Variants in PTPRD observed in about 807,000 individuals in gnomAD.
The protein encoded by PTPRD is protein tyrosine phosphatase receptor type D.
PTPRD carries 34 observed loss-of-function variants against 214.5 expected under a neutral mutation model. The observed-to-expected ratio is 0.16, with a 90% CI of 0.12 to 0.21. The LOEUF is 0.21. Among genes scored for constraint, PTPRD ranks in the 10% least tolerant of loss-of-function variants. The pLI is 1.00. For synonymous variants in PTPRD, 1,128 were observed against 845.7 expected (o/e 1.33, Z -5.79); for missense variants, 2,545 against 2,398.7 (o/e 1.06, Z -1.27).
chr9:9,724,047 C>T (rs892868761), intron 7 of PTPRD, among the ~76,000 whole-genome samples: 3 of 151,942 alleles, frequency 2.0e-5, no homozygotes, highest in Admixed American at 1.3e-4. Flanking sequence ...TAGAAGTGGC[C>T]ACCACTTATC....
At chr9:8,382,392 T>G (rs1000707852) in intron 37 of PTPRD, among the ~76,000 whole-genome samples, 5 of 152,194 alleles carry the variant, frequency 3.3e-5, no homozygotes, top group African/African-American at 1.2e-4. Context: ...AGAGAGGCTT[T>G]GTACAAAGTC....
chr9:9,152,809 G>C (rs1305898639), intron 10 of PTPRD, among the ~76,000 whole-genome samples: 2 of 152,184 alleles, frequency 1.3e-5, no homozygotes, highest in Admixed American at 1.3e-4. Context: ...CACTTCAGTT[G>C]ATGAGGGCAT....
intron 30 of PTPRD, among the ~76,000 whole-genome samples, chr9:8,482,633 G>A (rs2096911348): frequency 6.6e-6 from 1 of 152,152 alleles, no homozygotes; most frequent in African/African-American, 2.4e-5. Context: ...ATTTTATTAT[G>A]TATTATTGAA....
intron 2 of PTPRD, among the ~76,000 whole-genome samples, chr9:10,429,591 T>A (rs1032678080): frequency 7.9e-5 from 12 of 151,756 alleles, no homozygotes; most frequent in African/African-American, 2.9e-4. Context: ...AGAAAAAATA[T>A]CGCATGTTCT....
At chr9:10,226,931 A>C (rs1040070655) in intron 3 of PTPRD, among the ~76,000 whole-genome samples, 3 of 152,064 alleles carry the variant, frequency 2.0e-5, no homozygotes, top group Non-Finnish European at 4.4e-5. Context: ...TAAATATAGA[A>C]TTAGAACAAG....
intron 11 of PTPRD, among the ~76,000 whole-genome samples, chr9:8,973,952 A>T (rs1340563788): frequency 6.6e-6 from 1 of 151,930 alleles, no homozygotes; most frequent in Non-Finnish European, 1.5e-5. Context: ...TATAGATTCT[A>T]GACATTAGAC....
chr9:9,976,940 G>A (rs576841214), intron 4 of PTPRD, among the ~76,000 whole-genome samples: 4 of 152,220 alleles, frequency 2.6e-5, no homozygotes, highest in South Asian at 2.1e-4. Flanking sequence ...TAACTTTGCT[G>A]TTGAATTAGG....
chr9:10,073,163 G>C (rs550977790), intron 3 of PTPRD, among the ~76,000 whole-genome samples: 32 of 151,992 alleles, frequency 2.1e-4, no homozygotes, highest in Non-Finnish European at 7.4e-5. Flanking sequence ...AGCCCACAAG[G>C]TTTTAGGGCA....
At chr9:9,775,019 A>G (rs1271013872) in intron 5 of PTPRD, among the ~76,000 whole-genome samples, 1 of 152,140 alleles carries the variant, frequency 6.6e-6, no homozygotes, top group Non-Finnish European at 1.5e-5. Context: ...TAGTACCTGA[A>G]AAGGAGACAA....
intron 11 of PTPRD, among the ~76,000 whole-genome samples, chr9:8,973,168 T>C (rs1474381001): frequency 2.0e-5 from 3 of 151,924 alleles, no homozygotes; most frequent in Non-Finnish European, 4.4e-5. Flanking sequence ...GGACCCAGGG[T>C]GTGAGCATAA....
intron 8 of PTPRD, among the ~76,000 whole-genome samples, chr9:9,454,654 A>G (rs1212947005): frequency 6.6e-6 from 1 of 151,628 alleles, no homozygotes; most frequent in African/African-American, 2.4e-5. Context: ...ACTTTACACA[A>G]CTGTAACTGT....
At chr9:9,653,386 A>AAAAT (rs2096422807) in intron 7 of PTPRD, among the ~76,000 whole-genome samples, 9 of 133,794 alleles carry the variant, frequency 6.7e-5, no homozygotes, top group East Asian at 2.0e-4. Flanking sequence ...AAAAAAAAAA[A>AAAAT]GTGCCTCATT....
intron 10 of PTPRD, among the ~76,000 whole-genome samples, chr9:9,117,407 AG>A (rs2099813443): frequency 6.6e-6 from 1 of 152,176 alleles, no homozygotes; most frequent in African/African-American, 2.4e-5. Context: ...ACTTAAGCAT[AG>A]GAAAGTGATT....
Position 8,315,882 on chromosome 9 carries a change from A to C in PTPRD, c.*1992T>G, listed in dbSNP as rs1587152122. ...AAATCATGTAATATGTGGCAAACTT[A>C]TGCCATCATCCATGGCTTCCTATAG... On this transcript the variant is annotated 3_prime_UTR_variant, in exon 46 of 46. Coordinates refer to ENST00000381196, the MANE Select transcript of PTPRD (RefSeq NM_002839.4). The C allele has an allele frequency of 4.4e-6, 1 of 225,504 alleles. No homozygotes were observed. The highest frequency in any genetic ancestry group is 8.8e-6 in the Non-Finnish European group (1 of 113,056). 14.0% of individuals were successfully genotyped at this position (225,504 alleles called of 1,614,324 possible). A position where few individuals can be genotyped will look rare whatever the true frequency, so the allele number is the denominator to read the frequency against.
chr9:10,327,161 A>ACG (rs2096658191), intron 3 of PTPRD, among the ~76,000 whole-genome samples: 1 of 93,108 alleles, frequency 1.1e-5, no homozygotes, highest in African/African-American at 5.1e-5. Context: ...TTGTGCACAT[A>ACG]TATGTGTGTG....
At chr9:9,511,578 C>A (rs778900688) in intron 8 of PTPRD, among the ~76,000 whole-genome samples, 1 of 151,546 alleles carries the variant, frequency 6.6e-6, no homozygotes, top group African/African-American at 2.4e-5. Context: ...AAGTGTCAAA[C>A]GTTAAATTAA....
intron 7 of PTPRD, among the ~76,000 whole-genome samples, chr9:9,707,065 A>G (rs556927399): frequency 6.6e-6 from 1 of 152,274 alleles, no homozygotes; most frequent in East Asian, 1.9e-4. Flanking sequence ...AAATGAACAG[A>G]TGTCCTTTTT....
chr9:9,460,722 G>A (rs1484649659), intron 8 of PTPRD, among the ~76,000 whole-genome samples: 1 of 152,060 alleles, frequency 6.6e-6, no homozygotes, highest in Non-Finnish European at 1.5e-5. Context: ...CACTGTTGGT[G>A]GGAATGGAAA....
At chr9:9,288,226 T>G (rs967011957) in intron 9 of PTPRD, among the ~76,000 whole-genome samples, 1 of 151,876 alleles carries the variant, frequency 6.6e-6, no homozygotes, top group Non-Finnish European at 1.5e-5. Flanking sequence ...AAAATTTTGT[T>G]GTCGGAGGTG....
Sources: gnomAD v4.1 joint callset for allele counts (sites outside exome capture counted in the v4.1 genomes callset) on GRCh38, gnomAD v4.1.1 for gene constraint, MANE v1.5 for transcripts, NCBI Gene and HGNC (gene_info 2026-07-23, HGNC 2026-07-21) for gene names.